Variants in SLC9C2 observed in about 807,000 individuals in gnomAD.
SLC9C2 encodes sodium/hydrogen exchanger 11.
A neutral mutation model predicts 140.2 loss-of-function variants in SLC9C2; 75 were observed. That is an observed-to-expected ratio of 0.53 (90% CI 0.44 to 0.65). The LOEUF (loss-of-function observed/expected upper bound fraction) is 0.65. Ranked by LOEUF, SLC9C2 falls within the 30% of genes least tolerant of loss-of-function variation. The probability of loss-of-function intolerance (pLI) is 0.00; values close to 1 mark genes in which losing one functional copy is unlikely to be tolerated. For synonymous variants in SLC9C2, 375 were observed against 420.9 expected (o/e 0.89, Z 1.34); for missense variants, 1,074 against 1,331.8 (o/e 0.81, Z 3.01).
At chr1:173,506,780 G>T in intron 25 of SLC9C2, 76 bp downstream of exon 25, 1 of 1,215,752 alleles carries the variant, frequency 8.2e-7, no homozygotes, top group Non-Finnish European at 1.2e-6. Context: ...TCTTTTTAAG[G>T]TGATCAGTTG....
At chr1:173,517,813 T>C in intron 22 of SLC9C2, 109 bp from the exon 23 acceptor site, 1 of 934,348 alleles carries the variant, frequency 1.1e-6, no homozygotes, top group Non-Finnish European at 1.5e-6. Context: ...AAGGGAAAGA[T>C]CTCCTGTCAG....
chr1:173,542,944 G>C (rs1662546875), intron 13 of SLC9C2, among the ~76,000 whole-genome samples: 1 of 152,150 alleles, frequency 6.6e-6, no homozygotes, highest in Non-Finnish European at 1.5e-5. Flanking sequence ...TTTGAAAACT[G>C]GCACAAGACA....
rs1436608114 is a variant in SLC9C2 at position 173,545,543 on chromosome 1, G to A, written c.1557+2146C>T. On this transcript the variant is annotated intron_variant, in intron 13 of 27. Coordinates refer to ENST00000367714, the MANE Select transcript of SLC9C2 (RefSeq NM_178527.4). ...ATCACTGAATATTGGGTGTCTGGGGGGCAGATAACTTTTCTTTTTAGTTCA... is the reference window on the plus strand; with the variant it reads ...ATCACTGAATATTGGGTGTCTGGGGAGCAGATAACTTTTCTTTTTAGTTCA... 2.0e-5 allele frequency among the ~76,000 whole-genome samples: 3 copies of A among 152,102 alleles called. No individual in the cohort carries two copies. In the South Asian group the frequency reaches 6.2e-4, roughly 31 times the overall value.
chr1:173,598,062 G>C, intron 3 of SLC9C2, 30 bp from the exon 4 acceptor site: 1 of 1,557,512 alleles, frequency 6.4e-7, no homozygotes, highest in Non-Finnish European at 8.7e-7. Flanking sequence ...CAAGAAATTA[G>C]TTTGCTACCA....
chr1:173,596,873 A>G (rs184925983), intron 4 of SLC9C2, among the ~76,000 whole-genome samples: 1 of 152,154 alleles, frequency 6.6e-6, no homozygotes, highest in African/African-American at 2.4e-5. Flanking sequence ...TAAGAAAAAA[A>G]TTAACTGAGA....
chr1:173,530,363 G>A (rs1211782336), intron 17 of SLC9C2, among the ~76,000 whole-genome samples: 1 of 152,130 alleles, frequency 6.6e-6, no homozygotes, highest in Non-Finnish European at 1.5e-5. Flanking sequence ...CTCTAGCACT[G>A]CCTTTTCCCT....
intron 11 of SLC9C2, among the ~76,000 whole-genome samples, chr1:173,554,503 A>AG (rs936762132): frequency 1.6e-4 from 25 of 152,052 alleles, no homozygotes; most frequent in African/African-American, 5.8e-4. Flanking sequence ...TTTTTGGTGG[A>AG]GGGAAAAAAA....
At chr1:173,567,687 G>T (rs1352002548) in intron 9 of SLC9C2, among the ~76,000 whole-genome samples, 4 of 151,942 alleles carry the variant, frequency 2.6e-5, no homozygotes, top group African/African-American at 9.7e-5. Context: ...AGGACTTACT[G>T]CTACTATTTT....
chr1:173,509,480 A>AT, intron 24 of SLC9C2, 88 bp downstream of exon 24: 1 of 1,268,742 alleles, frequency 7.9e-7, no homozygotes, highest in Non-Finnish European at 1.1e-6. Context: ...TTTCCTTTCT[A>AT]TTTTTGTCTC....
At position 173,506,846 on chromosome 1, in the gene SLC9C2, T is replaced by A; in HGVS notation, c.3225+10A>T. On this transcript the variant is annotated intron_variant, in intron 25 of 27. Transcript: ENST00000367714. ...AGAGCAAGAGACTCTTTAGAAATGA[T>A]ATTTCTTACCTGCTCACAGGTTGTA... 6.2e-7 allele frequency: 1 copy of A among 1,604,604 alleles called. No homozygotes were observed. Among genetic ancestry groups the A allele is most frequent in the East Asian group, 2.2e-5 (1 of 44,746 alleles).
At chr1:173,558,081 T>C (rs1663832189) in intron 9 of SLC9C2, among the ~76,000 whole-genome samples, 1 of 152,228 alleles carries the variant, frequency 6.6e-6, no homozygotes, top group African/African-American at 2.4e-5. Context: ...ATTAAGGGAC[T>C]GGCAGTGAGA....
At chr1:173,553,014 C>T (rs61828888) in intron 11 of SLC9C2, among the ~76,000 whole-genome samples, 22,234 of 152,156 alleles carry the variant, frequency 0.15, 1,994 homozygotes, top group East Asian at 0.31. Flanking sequence ...AAAATATCAA[C>T]ATTAATAGGA....
At chr1:173,599,995 A>G (rs1223155465) in intron 3 of SLC9C2, 122 bp downstream of exon 3, 4 of 569,234 alleles carry the variant, frequency 7.0e-6, no homozygotes, top group Non-Finnish European at 1.2e-5. Flanking sequence ...AATACCAGAT[A>G]AAATTTTTTG....
At chr1:173,559,773 C>A (rs943650286) in intron 9 of SLC9C2, among the ~76,000 whole-genome samples, 1 of 152,190 alleles carries the variant, frequency 6.6e-6, no homozygotes, top group Non-Finnish European at 1.5e-5. Flanking sequence ...GTCAACCCAC[C>A]ATTTCTACTC....
chr1:173,562,908 T>C (rs1286867593), intron 9 of SLC9C2, among the ~76,000 whole-genome samples: 4 of 152,190 alleles, frequency 2.6e-5, no homozygotes, highest in South Asian at 2.1e-4. Context: ...AAACATTAAA[T>C]CATTAACTAT....
At chr1:173,561,236 T>C (rs894358753) in intron 9 of SLC9C2, among the ~76,000 whole-genome samples, 3 of 152,206 alleles carry the variant, frequency 2.0e-5, no homozygotes, top group South Asian at 2.1e-4. Flanking sequence ...CTGTGAACCT[T>C]GAGACTTCAA....
intron 24 of SLC9C2, among the ~76,000 whole-genome samples, chr1:173,508,577 A>AT (rs1659816868): frequency 6.6e-6 from 1 of 152,086 alleles, no homozygotes; most frequent in Admixed American, 6.5e-5. Flanking sequence ...CTCTGCTAAA[A>AT]TTTTTCTGAA....
At chr1:173,534,394 G>A in intron 16 of SLC9C2, 90 bp downstream of exon 16, 2 of 1,305,956 alleles carry the variant, frequency 1.5e-6, no homozygotes, top group Non-Finnish European at 2.1e-6. Context: ...AATGGCTCTT[G>A]GTATCAAGTT....
At chr1:173,517,797 C>A in intron 22 of SLC9C2, 93 bp from the exon 23 acceptor site, 2 of 1,079,072 alleles carry the variant, frequency 1.9e-6, no homozygotes, top group Non-Finnish European at 2.5e-6. Context: ...TACAACTTTC[C>A]AATGGAAGGG....
Sources: allele counts gnomAD v4.1 joint callset (sites outside exome capture counted in the v4.1 genomes callset), GRCh38; gene constraint gnomAD v4.1.1; transcripts MANE v1.5; gene names NCBI Gene and HGNC (gene_info 2026-07-23, HGNC 2026-07-21).